The following BBX variants were observed in gnomAD, a reference collection of about 807,000 sequenced individuals.
BBX encodes HMG box transcription factor BBX.
Under a neutral mutation model 100.2 loss-of-function variants are expected in BBX, and 30 were observed. The ratio of observed to expected loss-of-function variants is 0.30; its 90% CI spans 0.22 to 0.41. The LOEUF (loss-of-function observed/expected upper bound fraction) is 0.41, where lower values mean the gene tolerates loss of function less well. BBX is among the 10% of genes least tolerant of loss of function. The pLI is 1.00. For missense variants in BBX, 1,023 were observed against 1,129.8 expected (o/e 0.91, Z 1.35); for synonymous variants, 376 against 388.1 (o/e 0.97, Z 0.37).
At chr3:107,763,460 T>C (rs1400033229) in intron 10 of BBX, among the ~76,000 whole-genome samples, 1 of 152,204 alleles carries the variant, frequency 6.6e-6, no homozygotes, top group East Asian at 1.9e-4. Context: ...TAGAAAAGAA[T>C]ACATTTTAAA....
intron 5 of BBX, among the ~76,000 whole-genome samples, chr3:107,727,051 A>G (rs2062995364): frequency 6.6e-6 from 1 of 152,016 alleles, no homozygotes; most frequent in Admixed American, 6.6e-5. Context: ...CCTGTCTAGC[A>G]TTTTTCACAA....
chr3:107,638,778 T>TAC (rs2057008063), intron 2 of BBX, among the ~76,000 whole-genome samples: 5 of 21,628 alleles, frequency 2.3e-4, no homozygotes, highest in Non-Finnish European at 3.6e-4. Context: ...AAAAAAAAAG[T>TAC]ATACACACAC....
chr3:107,552,347 T>TA lies in BBX; in HGVS notation c.-84+25975dup, dbSNP rs76443530. On this transcript the variant is annotated intron_variant, in intron 2 of 17. Coordinates refer to ENST00000325805, the MANE Select transcript of BBX (RefSeq NM_001142568.3). ...GGCAACAGAAGAAACCCTGTTTCAT[T>TA]AAAAAAAAAAAAAAAAAAAAAAAAA... 5.9e-4 allele frequency among the ~76,000 whole-genome samples: 27 copies of TA among 45,964 alleles called. 2 individuals carry two copies. In the East Asian group the frequency reaches 8.0e-3, roughly 14 times the overall value. The allele number at this position is 45,964 out of a possible 152,430, so 30.2% of individuals were successfully genotyped here. A position where few individuals can be genotyped will look rare whatever the true frequency, so the allele number is the denominator to read the frequency against.
At chr3:107,663,772 T>A (rs2058589635) in intron 3 of BBX, among the ~76,000 whole-genome samples, 1 of 151,870 alleles carries the variant, frequency 6.6e-6, no homozygotes, top group Non-Finnish European at 1.5e-5. Flanking sequence ...TTTCTTTTAA[T>A]GGCTATTTAG....
Position 107,788,263 on chromosome 3 carries a change from G to A in BBX, c.2204-1524G>A, listed in dbSNP as rs529308413. ...AAATAATAAGCAAAGGAGAGAGAGG[G>A]AAATATCAGTGATGGAGAAGAGAAA... is the stretch of plus-strand genomic sequence containing the variant. On this transcript the variant is annotated intron_variant, in intron 13 of 17. Coordinates refer to ENST00000325805, the MANE Select transcript of BBX (RefSeq NM_001142568.3). Among the ~76,000 whole-genome samples, 44 of 152,244 alleles carry A rather than the reference G, an allele frequency of 2.9e-4. 1 individual carries two copies. The South Asian group carries it at 8.7e-3, about 30-fold the overall frequency.
chr3:107,681,033 G>A (rs1326668333), intron 3 of BBX, among the ~76,000 whole-genome samples: 2 of 152,142 alleles, frequency 1.3e-5, no homozygotes, highest in Non-Finnish European at 2.9e-5. Context: ...TTCCTGTAAT[G>A]CTTTTCAAAA....
At chr3:107,787,148 A>G (rs1444319496) in intron 13 of BBX, among the ~76,000 whole-genome samples, 1 of 152,204 alleles carries the variant, frequency 6.6e-6, no homozygotes, top group Admixed American at 6.5e-5. Flanking sequence ...ATAATAACAA[A>G]TGTTGACAAA....
At chr3:107,799,946 C>T (rs1461996295) in intron 16 of BBX, among the ~76,000 whole-genome samples, 2 of 152,182 alleles carry the variant, frequency 1.3e-5, no homozygotes, top group East Asian at 1.9e-4. Context: ...TTCTGCCTCT[C>T]AGCACCTCCG....
At chr3:107,726,606 G>T (rs535816577) in intron 5 of BBX, among the ~76,000 whole-genome samples, 1 of 151,976 alleles carries the variant, frequency 6.6e-6, no homozygotes, top group East Asian at 1.9e-4. Context: ...ACGTATTCCC[G>T]GCCTTTCTCT....
intron 10 of BBX, among the ~76,000 whole-genome samples, chr3:107,765,468 T>G (rs1226054650): frequency 6.6e-6 from 1 of 151,960 alleles, no homozygotes; most frequent in African/African-American, 2.4e-5. Flanking sequence ...TGTGTGTGTG[T>G]GTGTGTATGT....
At chr3:107,774,889 C>A in intron 12 of BBX, 32 bp downstream of exon 12, 1 of 1,604,080 alleles carries the variant, frequency 6.2e-7, no homozygotes, top group South Asian at 1.1e-5. Context: ...CACCTGTACT[C>A]CACAAGCCTC....
At chr3:107,737,630 G>A (rs1276002903) in intron 7 of BBX, among the ~76,000 whole-genome samples, 1 of 152,118 alleles carries the variant, frequency 6.6e-6, no homozygotes, top group Non-Finnish European at 1.5e-5. Context: ...CCTTGTATGT[G>A]TAAGGCATGT....
At chr3:107,592,182 T>G (rs2053369967) in intron 2 of BBX, among the ~76,000 whole-genome samples, 1 of 151,936 alleles carries the variant, frequency 6.6e-6, no homozygotes, top group Non-Finnish European at 1.5e-5. Context: ...GTTCCTATAT[T>G]TTTCTTAATG....
intron 3 of BBX, among the ~76,000 whole-genome samples, chr3:107,701,672 A>T (rs1047002797): frequency 3.2e-4 from 48 of 152,318 alleles, no homozygotes; most frequent in African/African-American, 1.1e-3. Flanking sequence ...AGACTCCATG[A>T]ACTTGTCTTC....
intron 3 of BBX, among the ~76,000 whole-genome samples, chr3:107,698,156 T>C (rs2060785039): frequency 6.6e-6 from 1 of 151,838 alleles, no homozygotes; most frequent in Non-Finnish European, 1.5e-5. Flanking sequence ...TCACCCGTCT[T>C]CTGGGTCGCT....
At chr3:107,767,100 TAGA>T (rs1436560853) in intron 10 of BBX, among the ~76,000 whole-genome samples, 1 of 152,280 alleles carries the variant, frequency 6.6e-6, no homozygotes, top group East Asian at 1.9e-4. Context: ...ATACCTAATG[TAGA>T]TGATAGGTTT....
At position 107,563,864 on chromosome 3, in the gene BBX, C is replaced by A. The variant is rs1403535562; in HGVS notation, c.-84+37466C>A. 2.6e-5 allele frequency among the ~76,000 whole-genome samples: 4 copies of A among 152,210 alleles called. No homozygotes were observed. The East Asian group carries it at 7.7e-4, about 29-fold the overall frequency. On this transcript the variant is annotated intron_variant, in intron 2 of 17. Transcript: ENST00000325805. ...TTTGGATACTGAGTGAATAAAAGAG[C>A]ACATTTTCTCGACTTTCATTCTCAA...
At chr3:107,701,868 G>A (rs2061083153) in intron 3 of BBX, among the ~76,000 whole-genome samples, 1 of 151,688 alleles carries the variant, frequency 6.6e-6, no homozygotes, top group Non-Finnish European at 1.5e-5. Context: ...TGTAAGTTAA[G>A]AGAGTTAATA....
intron 2 of BBX, among the ~76,000 whole-genome samples, chr3:107,587,129 GT>G (rs1203610336): frequency 6.6e-6 from 1 of 151,958 alleles, no homozygotes; most frequent in Non-Finnish European, 1.5e-5. Flanking sequence ...TCTTATGAAT[GT>G]TTTTTAAAAA....
Sources: allele counts gnomAD v4.1 joint callset (sites outside exome capture counted in the v4.1 genomes callset), GRCh38; gene constraint gnomAD v4.1.1; transcripts MANE v1.5; gene names NCBI Gene and HGNC (gene_info 2026-07-23, HGNC 2026-07-21).